Variants in PREX1 observed in about 807,000 individuals in gnomAD.
The protein encoded by PREX1 is phosphatidylinositol 3,4,5-trisphosphate-dependent Rac exchanger 1 protein.
PREX1 carries 41 observed loss-of-function variants against 198.3 expected under a neutral mutation model. The observed-to-expected ratio is 0.21, with a 90% CI of 0.16 to 0.27. The LOEUF (loss-of-function observed/expected upper bound fraction) is 0.27. Ranked by LOEUF, PREX1 falls within the 10% of genes least tolerant of loss-of-function variation. The pLI is 1.00. For synonymous variants in PREX1, 843 were observed against 887.2 expected, an observed-to-expected ratio of 0.95 and a Z score of 0.89; for missense variants, 1,620 against 2,200.7, an observed-to-expected ratio of 0.74 and a Z score of 5.28.
At chr20:48,628,001 G>A in intron 37 of PREX1, 38 bp from the exon 38 acceptor site, 1 of 1,236,708 alleles carries the variant, frequency 8.1e-7, no homozygotes, top group Non-Finnish European at 1.2e-6. Flanking sequence ...TTGGCGGTGG[G>A]GGGACAGGGG....
At chr20:48,760,545 G>A (rs1432408780) in intron 1 of PREX1, among the ~76,000 whole-genome samples, 1 of 152,098 alleles carries the variant, frequency 6.6e-6, no homozygotes, top group Admixed American at 6.6e-5. Context: ...AAAAGGGGGG[G>A]AGGAGTAGTT....
intron 29 of PREX1, 47 bp from the exon 30 acceptor site, chr20:48,639,941 T>A (rs4611698): frequency 6.3e-7 from 1 of 1,599,502 alleles, no homozygotes; most frequent in Non-Finnish European, 8.6e-7. Flanking sequence ...ACGGAGGTAG[T>A]GTTGGAGAAC....
intron 1 of PREX1, among the ~76,000 whole-genome samples, chr20:48,767,118 G>A (rs574104655): frequency 5.9e-5 from 9 of 152,286 alleles, no homozygotes; most frequent in Admixed American, 2.0e-4. Context: ...TCCCTCGTCC[G>A]CGAAACGGGG....
intron 15 of PREX1, among the ~76,000 whole-genome samples, chr20:48,661,684 G>A (rs1416966153): frequency 1.3e-5 from 2 of 151,288 alleles, no homozygotes; most frequent in African/African-American, 4.9e-5. Flanking sequence ...CCCAGTGCCA[G>A]GCACACTGGG....
intron 1 of PREX1, among the ~76,000 whole-genome samples, chr20:48,815,608 C>A (rs115903677): frequency 0.017 from 2,593 of 152,226 alleles, 64 homozygotes; most frequent in African/African-American, 0.057. Flanking sequence ...GCATCTGTCC[C>A]GTGGCCAGGT....
intron 1 of PREX1, among the ~76,000 whole-genome samples, chr20:48,814,639 A>G (rs959401632): frequency 6.6e-6 from 1 of 152,228 alleles, no homozygotes; most frequent in African/African-American, 2.4e-5. Flanking sequence ...GCTGGATCAC[A>G]TAATACCTTC....
intron 1 of PREX1, among the ~76,000 whole-genome samples, chr20:48,820,276 T>C (rs187428577): frequency 1.6e-4 from 24 of 152,124 alleles, no homozygotes; most frequent in Non-Finnish European, 1.5e-5. Context: ...GGAGGAGGGG[T>C]GAGCCCGCAC....
At chr20:48,659,279 A>G (rs995583754) in intron 16 of PREX1, among the ~76,000 whole-genome samples, 2 of 143,374 alleles carry the variant, frequency 1.4e-5, no homozygotes, top group Non-Finnish European at 1.5e-5. Context: ...CGAGAGAGAG[A>G]GAGAAAGAAG....
the PREX1 span, among the ~76,000 whole-genome samples, chr20:48,876,183 C>T: frequency 1.1e-4 from 16 of 152,206 alleles, no homozygotes; most frequent in East Asian, 2.5e-3. Context: ...TAATCCTATC[C>T]CCAGTCCAGG....
chr20:48,773,494 C>T (rs932892232), intron 1 of PREX1, among the ~76,000 whole-genome samples: 1 of 152,142 alleles, frequency 6.6e-6, no homozygotes, highest in African/African-American at 2.4e-5. Flanking sequence ...ACCTCTGGGA[C>T]CTCATTCATT....
chr20:48,840,339 C>CA, the PREX1 span, among the ~76,000 whole-genome samples: 557 of 111,478 alleles, frequency 5.0e-3, 2 homozygotes, highest in East Asian at 0.027. Flanking sequence ...TAACCTTAAC[C>CA]AAAAAAAAAA....
At chr20:48,707,564 G>C (rs1224317706) in intron 6 of PREX1, among the ~76,000 whole-genome samples, 2 of 152,186 alleles carry the variant, frequency 1.3e-5, no homozygotes, top group Non-Finnish European at 2.9e-5. Flanking sequence ...AACAATCTCT[G>C]CCCAAGAGAC....
intron 3 of PREX1, among the ~76,000 whole-genome samples, chr20:48,737,281 C>T (rs1486141501): frequency 1.4e-5 from 2 of 142,612 alleles, no homozygotes; most frequent in South Asian, 2.3e-4. Flanking sequence ...CAGATAGACT[C>T]GTGGGTTTAG....
At chr20:48,788,402 T>G (rs1315162842) in intron 1 of PREX1, among the ~76,000 whole-genome samples, 1 of 152,092 alleles carries the variant, frequency 6.6e-6, no homozygotes, top group African/African-American at 2.4e-5. Context: ...TCAAAGAAGC[T>G]CTGGCCCTGA....
At chr20:48,698,326 A>T (rs547945512) in intron 7 of PREX1, among the ~76,000 whole-genome samples, 20 of 152,228 alleles carry the variant, frequency 1.3e-4, no homozygotes, top group Non-Finnish European at 2.5e-4. Flanking sequence ...GAGTAAACTC[A>T]TCTAAAAGTT....
intron 1 of PREX1, among the ~76,000 whole-genome samples, chr20:48,788,953 C>T (rs891459676): frequency 1.3e-5 from 2 of 152,150 alleles, no homozygotes; most frequent in Admixed American, 6.5e-5. Context: ...CCCCCAAGAA[C>T]GTTCTCACCA....
In PREX1 at chr20:48,827,034, T is replaced by G. The variant is rs1194412404; in HGVS notation, c.219+608A>C. On this transcript the variant is annotated intron_variant, in intron 1 of 39. Coordinates refer to ENST00000371941, the MANE Select transcript of PREX1 (RefSeq NM_020820.4). The surrounding 1 kb of genome is among the most constrained non-coding windows in gnomAD (Gnocchi z 4.1). ...TGGTTTTGCACTTGGAGATGGGGAG[T>G]TGGTGGGGGTGGATGCAGTTAGGGA... is the stretch of plus-strand genomic sequence containing the variant. Among the ~76,000 whole-genome samples the G allele has an allele frequency of 6.6e-6, 1 of 151,732 alleles. No individual in the cohort carries two copies. Among genetic ancestry groups the G allele is most frequent in the Non-Finnish European group, 1.5e-5 (1 of 67,896 alleles).
At chr20:48,814,471 A>T (rs2090450845) in intron 1 of PREX1, among the ~76,000 whole-genome samples, 1 of 152,202 alleles carries the variant, frequency 6.6e-6, no homozygotes, top group South Asian at 2.1e-4. Flanking sequence ...GGTCCTTGGT[A>T]CAAATCAGGG....
chr20:48,708,784 T>C (rs1482667422), intron 5 of PREX1, among the ~76,000 whole-genome samples: 2 of 151,534 alleles, frequency 1.3e-5, no homozygotes, highest in African/African-American at 4.9e-5. Flanking sequence ...GTGCGAAGGG[T>C]CTGAGGCGGG....
Sources: gnomAD v4.1 joint callset for allele counts (sites outside exome capture counted in the v4.1 genomes callset) on GRCh38, gnomAD v4.1.1 for gene constraint, Gnocchi (gnomAD v3.1) non-coding constraint, MANE v1.5 for transcripts, NCBI Gene and HGNC (gene_info 2026-07-23, HGNC 2026-07-21) for gene names.